OLFM3: variants seen among roughly 807,000 people sequenced by gnomAD.
The protein encoded by OLFM3 is noelin-3.
A neutral mutation model predicts 48.6 loss-of-function variants in OLFM3; 20 were observed. The ratio of observed to expected loss-of-function variants is 0.41; its 90% CI spans 0.29 to 0.60. The LOEUF (loss-of-function observed/expected upper bound fraction) is 0.60. Among genes scored for constraint, OLFM3 ranks in the 20% least tolerant of loss-of-function variants. OLFM3 has a pLI of 0.28. For synonymous variants in OLFM3, 222 were observed against 198.1 expected (o/e 1.12, Z -1.01); for missense variants, 437 against 544.3 (o/e 0.80, Z 1.96).
chr1:101,840,160 A>T (rs1655643026), intron 1 of OLFM3, among the ~76,000 whole-genome samples: 1 of 152,228 alleles, frequency 6.6e-6, no homozygotes, highest in South Asian at 2.1e-4. Context: ...TTTGGAAAAG[A>T]CTTGCTCCAA....
At chr1:101,911,097 G>C (rs1243193270) in intron 1 of OLFM3, among the ~76,000 whole-genome samples, 2 of 152,184 alleles carry the variant, frequency 1.3e-5, no homozygotes, top group African/African-American at 4.8e-5. Flanking sequence ...GCTACTCTGT[G>C]AGTAAAGCCA....
At chr1:101,852,499 C>T (rs1557702893) in intron 1 of OLFM3, among the ~76,000 whole-genome samples, 2 of 152,108 alleles carry the variant, frequency 1.3e-5, no homozygotes, top group Non-Finnish European at 2.9e-5. Context: ...TTCTTAGTGT[C>T]ATTTGCTGAT....
At chr1:101,857,066 G>A (rs985278535) in intron 1 of OLFM3, among the ~76,000 whole-genome samples, 1 of 151,982 alleles carries the variant, frequency 6.6e-6, no homozygotes, top group Non-Finnish European at 1.5e-5. Flanking sequence ...AAGATAAAAT[G>A]TAAGTCATAG....
chr1:101,966,838 T>C (rs149840566), intron 1 of OLFM3, among the ~76,000 whole-genome samples: 6 of 152,340 alleles, frequency 3.9e-5, no homozygotes, highest in East Asian at 3.9e-4. Context: ...TTTTCCTTTT[T>C]TATTGTTAGC....
At chr1:101,839,416 T>C (rs1396898599) in intron 1 of OLFM3, among the ~76,000 whole-genome samples, 1 of 152,168 alleles carries the variant, frequency 6.6e-6, no homozygotes, top group Non-Finnish European at 1.5e-5. Flanking sequence ...TTCAATGATA[T>C]AATTAGGTTC....
intron 1 of OLFM3, among the ~76,000 whole-genome samples, chr1:101,965,324 G>C (rs1660577952): frequency 6.6e-6 from 1 of 152,198 alleles, no homozygotes; most frequent in African/African-American, 2.4e-5. Context: ...AATGCGGGCT[G>C]CAGAATAGGA....
chr1:101,818,291 A>G (rs1654432737), intron 4 of OLFM3, among the ~76,000 whole-genome samples: 1 of 152,124 alleles, frequency 6.6e-6, no homozygotes. Context: ...GTTATAATCT[A>G]GAAAAATGTA....
intron 4 of OLFM3, among the ~76,000 whole-genome samples, 164 bp downstream of exon 4, chr1:101,824,862 T>C (rs1165394794): frequency 6.6e-6 from 1 of 152,094 alleles, no homozygotes; most frequent in Non-Finnish European, 1.5e-5. Context: ...TAGCACAGAG[T>C]ACCCAGACAT....
At chr1:101,846,938 A>G in intron 1 of OLFM3, 17 of 1,612,632 alleles carry the variant, frequency 1.1e-5, no homozygotes, top group Non-Finnish European at 1.4e-5. Flanking sequence ...CCATGGTACT[A>G]AGCACAGCGC....
At chr1:101,821,530 T>C (rs1327597) in intron 4 of OLFM3, among the ~76,000 whole-genome samples, 35,873 of 151,940 alleles carry the variant, frequency 0.24, 5,245 homozygotes, top group Non-Finnish European at 0.33. Flanking sequence ...TAATTAAGGG[T>C]TGTGGTCCAG....
chr1:101,900,751 A>G (rs1658364091), intron 1 of OLFM3, among the ~76,000 whole-genome samples: 1 of 152,108 alleles, frequency 6.6e-6, no homozygotes, highest in Non-Finnish European at 1.5e-5. Context: ...TGAGATGTAA[A>G]GGATATTTGA....
intron 4 of OLFM3, among the ~76,000 whole-genome samples, chr1:101,818,769 A>G (rs975648819): frequency 1.3e-5 from 2 of 152,150 alleles, no homozygotes; most frequent in Admixed American, 6.6e-5. Flanking sequence ...CCTTCCCCCC[A>G]AAAGCTTTTT....
chr1:101,988,172 A>G (rs1201571033), intron 1 of OLFM3, among the ~76,000 whole-genome samples: 2 of 152,122 alleles, frequency 1.3e-5, no homozygotes, highest in African/African-American at 4.8e-5. Flanking sequence ...GGAAAAATAT[A>G]GGTAATATAT....
At chr1:101,942,882 T>G (rs1417181180) in intron 1 of OLFM3, among the ~76,000 whole-genome samples, 1 of 152,188 alleles carries the variant, frequency 6.6e-6, no homozygotes, top group East Asian at 1.9e-4. Context: ...TAGATCATAA[T>G]TTTTTCTTTG....
intron 1 of OLFM3, among the ~76,000 whole-genome samples, chr1:101,880,177 G>T (rs925048981): frequency 1.3e-5 from 2 of 151,754 alleles, no homozygotes; most frequent in African/African-American, 4.8e-5. Flanking sequence ...TAAATACAGA[G>T]AATGAAAATT....
chr1:101,864,991 G>T (rs1570574887), intron 1 of OLFM3, among the ~76,000 whole-genome samples: 1 of 152,144 alleles, frequency 6.6e-6, no homozygotes, highest in Non-Finnish European at 1.5e-5. Flanking sequence ...ATTCCATTTG[G>T]TTTTATCTAT....
intron 1 of OLFM3, among the ~76,000 whole-genome samples, chr1:101,887,525 A>G (rs1657809807): frequency 6.6e-6 from 1 of 152,016 alleles, no homozygotes; most frequent in African/African-American, 2.4e-5. Context: ...TAAGGTCAAT[A>G]ATGTCTAGGA....
At chr1:101,828,030 C>CTG (rs1356602955) in intron 3 of OLFM3, among the ~76,000 whole-genome samples, 2,219 of 138,828 alleles carry the variant, frequency 0.016, 35 homozygotes, top group African/African-American at 0.041. Context: ...CTCTCTCTCT[C>CTG]TCTGTCTGTC....
chr1:101,878,963 C>T (rs1409985255), intron 1 of OLFM3, among the ~76,000 whole-genome samples: 1 of 151,822 alleles, frequency 6.6e-6, no homozygotes, highest in Non-Finnish European at 1.5e-5. Flanking sequence ...AACTGAACCA[C>T]ATTTGGTAAC....
Sources: gnomAD v4.1 joint callset for allele counts (sites outside exome capture counted in the v4.1 genomes callset) on GRCh38, gnomAD v4.1.1 for gene constraint, MANE v1.5 for transcripts, NCBI Gene and HGNC (gene_info 2026-07-23, HGNC 2026-07-21) for gene names.